The following SPEF2 variants were observed in gnomAD, a reference collection of about 807,000 sequenced individuals.
SPEF2 encodes sperm flagella and cilia-associated protein 2.
Under a neutral mutation model 224.6 loss-of-function variants are expected in SPEF2, and 187 were observed. The observed-to-expected ratio is 0.83, with a 90% CI of 0.74 to 0.94. SPEF2 has a LOEUF of 0.94. Ranked by LOEUF, SPEF2 falls within the 40% of genes least tolerant of loss-of-function variation. The pLI, the probability that SPEF2 is intolerant of heterozygous loss-of-function variation, is 0.00. For missense variants in SPEF2, 2,170 were observed against 2,135.6 expected (o/e 1.02, Z -0.32); for synonymous variants, 715 against 707.3 (o/e 1.01, Z -0.17).
At chr5:35,637,809 C>T (rs1235101507) in intron 2 of SPEF2, among the ~76,000 whole-genome samples, 4 of 152,158 alleles carry the variant, frequency 2.6e-5, no homozygotes, top group Non-Finnish European at 4.4e-5. Context: ...GCCTTGCTGC[C>T]ACCATTAGAA....
chr5:35,628,497 T>G lies in SPEF2; in HGVS notation c.96T>G (p.Tyr32Ter). ...KSFAKAFSSG[Y>*]LLGEVLHKFE... ...TTGCAAAGGCATTTTCCAGTGGCTATCTACTTGGAGAAGTTCTACACAAGT... is the reference window on the plus strand; with the variant it reads ...TTGCAAAGGCATTTTCCAGTGGCTAGCTACTTGGAGAAGTTCTACACAAGT... The change falls in exon 2 of 37, where the codon TAT becomes TAG. Residue 32 changes from tyrosine (Y) to a stop codon, truncating the protein, a stop_gained. Coordinates refer to ENST00000356031, the MANE Select transcript of SPEF2 (RefSeq NM_024867.4). LOFTEE classifies it high-confidence loss of function. The G allele has an allele frequency of 6.2e-7, 1 of 1,614,060 alleles. No individual in the cohort carries two copies. The highest frequency in any genetic ancestry group is 8.5e-7 in the Non-Finnish European group (1 of 1,179,978).
intron 20 of SPEF2, among the ~76,000 whole-genome samples, chr5:35,727,225 T>C (rs1477887493): frequency 6.6e-6 from 1 of 152,168 alleles, no homozygotes; most frequent in Non-Finnish European, 1.5e-5. Flanking sequence ...AGCTGACTCT[T>C]ATAACATCCT....
At chr5:35,670,700 A>G (rs1425420050) in intron 10 of SPEF2, 3 of 985,670 alleles carry the variant, frequency 3.0e-6, no homozygotes, top group East Asian at 1.1e-4. Context: ...TGAAATAAAA[A>G]GTATCGGGTG....
chr5:35,635,656 T>C (rs1323256581), intron 2 of SPEF2, among the ~76,000 whole-genome samples: 1 of 152,200 alleles, frequency 6.6e-6, no homozygotes, highest in African/African-American at 2.4e-5. Context: ...CAAAGATTTA[T>C]TTGGCGAATC....
chr5:35,662,620 G>A (rs1380905027), intron 8 of SPEF2, among the ~76,000 whole-genome samples: 1 of 152,114 alleles, frequency 6.6e-6, no homozygotes, highest in Non-Finnish European at 1.5e-5. Context: ...TGTAAGGGAG[G>A]GGTCCAGTTT....
intron 18 of SPEF2, among the ~76,000 whole-genome samples, chr5:35,708,569 A>ACACCACCACCATCACCATAACTAT (rs1554037869): frequency 0.77 from 70,337 of 91,408 alleles, 24,756 homozygotes; most frequent in Middle Eastern, 0.82. Context: ...CACCACTACC[A>ACACCACCACCATCACCATAACTAT]CACCACCACC....
At chr5:35,688,241 CTTCT>C (rs147639856) in intron 10 of SPEF2, among the ~76,000 whole-genome samples, 1 of 95,434 alleles carries the variant, frequency 1.0e-5, no homozygotes, top group South Asian at 2.9e-4. Flanking sequence ...GACAGTGCTG[CTTCT>C]TTCTTTTTCT....
At chr5:35,801,526 AT>A (rs1416107589) in intron 34 of SPEF2, among the ~76,000 whole-genome samples, 2 of 150,846 alleles carry the variant, frequency 1.3e-5, no homozygotes, top group Non-Finnish European at 3.0e-5. Context: ...AAAAAAAAAA[AT>A]TCCCAAATAA....
At position 35,740,260 on chromosome 5, in the gene SPEF2, G is replaced by T. The variant is rs758795303; in HGVS notation, c.3323G>T (p.Arg1108Leu). The change falls in exon 23 of 37, where the codon CGA becomes CTA. Residue 1108 changes from arginine (R) to leucine (L), a missense_variant. Arg to Leu is a moderately radical substitution (Grantham distance 102, BLOSUM62 -2). Transcript: ENST00000356031. ...GAAACAAAGGCTGAACTACATCAAC[G>T]AGTGAATGTAAGGAAATAGTGACCT... Reference protein sequence around the residue: ...DEETKAELHQRVNDLRDRLWD... With the variant: ...DEETKAELHQLVNDLRDRLWD... 8 of 1,613,846 alleles carry T rather than the reference G, an allele frequency of 5.0e-6. No homozygotes were observed. In the East Asian group the frequency reaches 1.3e-4, roughly 27 times the overall value.
At chr5:35,725,271 T>G (rs147861709) in intron 20 of SPEF2, among the ~76,000 whole-genome samples, 1,544 of 152,332 alleles carry the variant, frequency 0.01, 31 homozygotes, top group African/African-American at 0.035. Flanking sequence ...AACAAAAAGT[T>G]GTTCTTTGCT....
chr5:35,680,306 A>G (rs1476623950), intron 10 of SPEF2, among the ~76,000 whole-genome samples: 1 of 152,158 alleles, frequency 6.6e-6, no homozygotes, highest in Admixed American at 6.5e-5. Context: ...TGTATTAGCT[A>G]ATTTCATTCA....
At chr5:35,783,900 A>T (rs890618776) in intron 30 of SPEF2, among the ~76,000 whole-genome samples, 2 of 152,006 alleles carry the variant, frequency 1.3e-5, no homozygotes, top group Non-Finnish European at 2.9e-5. Context: ...AGCCATAAGA[A>T]CTCTTTTTCC....
intron 26 of SPEF2, chr5:35,764,419 C>A (rs1751790061): frequency 1.1e-5 from 4 of 367,900 alleles, no homozygotes; most frequent in Admixed American, 1.1e-4. Context: ...ATCATTTCTA[C>A]CCAAATCAAA....
At chr5:35,749,108 A>G (rs1368462558) in intron 23 of SPEF2, among the ~76,000 whole-genome samples, 1 of 151,864 alleles carries the variant, frequency 6.6e-6, no homozygotes, top group Non-Finnish European at 1.5e-5. Context: ...GCAGAAAAAG[A>G]TGCATCAATA....
Position 35,800,124 on chromosome 5 carries a change from G to A in SPEF2, c.4987G>A (p.Ala1663Thr), listed in dbSNP as rs773518903. 2 of 1,614,110 alleles carry A rather than the reference G, an allele frequency of 1.2e-6. No homozygotes were observed. Among genetic ancestry groups the A allele is most frequent in the South Asian group, 2.2e-5 (2 of 91,070 alleles). ...AACTCATGTCTTCCAACAAGTCAAA[G>A]CTTCCATTCCAAGTGCAGAAAAGGT... is the stretch of plus-strand genomic sequence containing the variant. Reference protein sequence around the residue: ...VGTHVFQQVKASIPSAEKTSS... With the variant: ...VGTHVFQQVKTSIPSAEKTSS... The change falls in exon 34 of 37, where the codon GCT becomes ACT. Residue 1663 changes from alanine to threonine, a missense_variant. Coordinates refer to ENST00000356031, the MANE Select transcript of SPEF2 (RefSeq NM_024867.4).
intron 30 of SPEF2, chr5:35,789,598 C>A (rs1168151741): frequency 1.6e-6 from 1 of 642,050 alleles, no homozygotes; most frequent in Non-Finnish European, 2.8e-6. Flanking sequence ...ATTGTTTTAA[C>A]ACATCTTATC....
At chr5:35,622,670 T>G (rs1293703826) in intron 1 of SPEF2, among the ~76,000 whole-genome samples, 2 of 152,162 alleles carry the variant, frequency 1.3e-5, no homozygotes, top group Non-Finnish European at 2.9e-5. Context: ...CATTAGAAAA[T>G]CTATTGCTTC....
intron 19 of SPEF2, chr5:35,710,210 A>G: frequency 1.0e-6 from 1 of 985,110 alleles, no homozygotes; most frequent in East Asian, 1.1e-4. Context: ...AGGAAATTAA[A>G]AAACAATTCA....
At chr5:35,646,292 A>G (rs906861264) in intron 4 of SPEF2, among the ~76,000 whole-genome samples, 1 of 152,192 alleles carries the variant, frequency 6.6e-6, no homozygotes, top group Non-Finnish European at 1.5e-5. Context: ...TCATTGAACC[A>G]TCTTCAGAGA....
Sources: allele counts gnomAD v4.1 joint callset (sites outside exome capture counted in the v4.1 genomes callset), GRCh38; gene constraint gnomAD v4.1.1; transcripts MANE v1.5; gene names NCBI Gene and HGNC (gene_info 2026-07-23, HGNC 2026-07-21).